Variants in RNF180 observed in about 807,000 individuals in gnomAD.
RNF180 encodes the protein E3 ubiquitin-protein ligase RNF180.
RNF180 carries 38 observed loss-of-function variants against 59.2 expected under a neutral mutation model. The observed-to-expected ratio is 0.64, with a 90% CI of 0.50 to 0.84. RNF180 has a LOEUF of 0.84. RNF180 is among the 40% of genes least tolerant of loss of function. The pLI is 0.00. For synonymous variants in RNF180, 262 were observed against 240.3 expected (o/e 1.09, Z -0.84); for missense variants, 705 against 700.9 (o/e 1.01, Z -0.07).
intron 7 of RNF180, among the ~76,000 whole-genome samples, chr5:64,338,302 T>A (rs2112557611): frequency 6.6e-6 from 1 of 152,280 alleles, no homozygotes; most frequent in East Asian, 1.9e-4. Context: ...TCTATTTGAT[T>A]TTGAACGGAA....
intron 5 of RNF180, among the ~76,000 whole-genome samples, chr5:64,221,233 T>C (rs1741313820): frequency 6.6e-6 from 1 of 152,054 alleles, no homozygotes; most frequent in African/African-American, 2.4e-5. Context: ...CTCCTCTTCC[T>C]CAAGCAGAAA....
chr5:64,351,081 T>A (rs1036210541), intron 7 of RNF180, among the ~76,000 whole-genome samples: 35 of 152,154 alleles, frequency 2.3e-4, no homozygotes, highest in African/African-American at 8.2e-4. Flanking sequence ...CTCTTTTATT[T>A]CATTGAGCAG....
chr5:64,302,905 C>G (rs1197371074), intron 5 of RNF180, among the ~76,000 whole-genome samples: 1 of 151,602 alleles, frequency 6.6e-6, no homozygotes, highest in African/African-American at 2.4e-5. Context: ...TATTTTTGCA[C>G]TTTGCTTTAT....
At chr5:64,246,142 C>T (rs1201837173) in intron 5 of RNF180, among the ~76,000 whole-genome samples, 1 of 152,106 alleles carries the variant, frequency 6.6e-6, no homozygotes. Flanking sequence ...ATTTATAGCA[C>T]TAAATGTCCA....
chr5:64,234,491 G>A (rs1015568050), intron 5 of RNF180, among the ~76,000 whole-genome samples: 3 of 142,890 alleles, frequency 2.1e-5, no homozygotes, highest in Non-Finnish European at 3.0e-5. Flanking sequence ...TAAAGTTTAC[G>A]AACATGATCA....
chr5:64,189,161 A>C (rs909114900), intron 1 of RNF180, among the ~76,000 whole-genome samples: 4 of 151,964 alleles, frequency 2.6e-5, no homozygotes, highest in African/African-American at 4.8e-5. Context: ...TGAGACAATA[A>C]ATTTCTTTGG....
At chr5:64,262,627 CTG>C (rs1329088168) in intron 5 of RNF180, among the ~76,000 whole-genome samples, 4 of 152,088 alleles carry the variant, frequency 2.6e-5, no homozygotes, top group African/African-American at 4.8e-5. Context: ...AAAATTGAGA[CTG>C]TTAATTTTCA....
At chr5:64,315,847 G>A (rs989387217) in intron 5 of RNF180, among the ~76,000 whole-genome samples, 2 of 151,906 alleles carry the variant, frequency 1.3e-5, no homozygotes, top group Non-Finnish European at 2.9e-5. Flanking sequence ...TATTAAAAGG[G>A]CAAAAACAAT....
chr5:64,177,526 C>CATATATATAT lies in RNF180; in HGVS notation c.-1+11604_-1+11613dup, dbSNP rs58046669. On this transcript the variant is annotated intron_variant, in intron 1 of 7. Transcript: ENST00000389100. ...TTTTTTTCAAAGGCATAAATTATGC[C>CATATATATAT]ATATATATATATATATATATATATA... is the stretch of plus-strand genomic sequence containing the variant. 4.5e-3 allele frequency among the ~76,000 whole-genome samples: 477 copies of CATATATATAT among 104,976 alleles called. 5 individuals are homozygous for CATATATATAT. Among genetic ancestry groups the CATATATATAT allele is most frequent in the Non-Finnish European group, 6.4e-3 (321 of 49,856 alleles). 68.9% of individuals were successfully genotyped at this position (104,976 alleles called of 152,430 possible). A position where few individuals can be genotyped will look rare whatever the true frequency, so the allele number is the denominator to read the frequency against.
intron 7 of RNF180, among the ~76,000 whole-genome samples, chr5:64,364,577 A>G (rs910455903): frequency 6.6e-6 from 1 of 151,674 alleles, no homozygotes; most frequent in African/African-American, 2.4e-5. Context: ...TATCAGGATG[A>G]TGTTGGCCTC....
Position 64,325,360 on chromosome 5 carries a change from A to C in RNF180, c.1402A>C (p.Thr468Pro), listed in dbSNP as rs1365497007. Residue 468 changes from threonine to proline, a missense_variant, in exon 6 of 8, where the codon ACT becomes CCT. Physicochemically the swap from Thr to Pro is conservative, Grantham distance 38. Coordinates refer to ENST00000389100, the MANE Select transcript of RNF180 (RefSeq NM_001113561.2). ...RTLAKDNPSS[T>P]PCPLCRTIIS... ...TCTGGCCAAAGACAATCCTTCAAGC[A>C]CTCCATGCCCATTGTGTCGGACAAT... 2 of 1,551,646 alleles carry C rather than the reference A, an allele frequency of 1.3e-6. No individual in the cohort carries two copies. The highest frequency in any genetic ancestry group is 3.9e-5 in the Admixed American group (2 of 50,984).
intron 7 of RNF180, among the ~76,000 whole-genome samples, chr5:64,364,430 T>C (rs1458597699): frequency 6.6e-6 from 1 of 151,844 alleles, no homozygotes; most frequent in Non-Finnish European, 1.5e-5. Flanking sequence ...GCCTACTTGT[T>C]TGTGGTGGAC....
At chr5:64,269,150 T>G (rs1335807245) in intron 5 of RNF180, among the ~76,000 whole-genome samples, 1 of 152,172 alleles carries the variant, frequency 6.6e-6, no homozygotes, top group Non-Finnish European at 1.5e-5. Context: ...TTAAATTAAC[T>G]CCAGCGTGCT....
At chr5:64,238,758 A>C (rs1175957943) in intron 5 of RNF180, among the ~76,000 whole-genome samples, 1 of 152,184 alleles carries the variant, frequency 6.6e-6, no homozygotes, top group African/African-American at 2.4e-5. Flanking sequence ...TATGGTTTGC[A>C]AATATGTTCT....
At chr5:64,331,889 C>T (rs1744925445) in intron 7 of RNF180, among the ~76,000 whole-genome samples, 1 of 152,104 alleles carries the variant, frequency 6.6e-6, no homozygotes, top group Non-Finnish European at 1.5e-5. Flanking sequence ...TCCAAGCTTC[C>T]AGGCACCACT....
Position 64,213,559 on chromosome 5 carries a change from C to T in RNF180, c.233C>T (p.Ala78Val). ...TTTATTCTTCTTTATTACCTGTAGG[C>T]CCAGTGGACAGTTGGAAAACTGAAT... ...PEWISCLIQKAQWTVGKLNCP... is the reference protein window; with the variant it reads ...PEWISCLIQKVQWTVGKLNCP... Residue 78 changes from alanine to valine, a missense_variant and splice_region_variant, in exon 4 of 8, where the codon GCC (alanine) becomes GTC (valine). By Grantham distance (64) the Ala-to-Val change is moderately conservative (BLOSUM62 0). Coordinates refer to ENST00000389100, the MANE Select transcript of RNF180 (RefSeq NM_001113561.2). 6.2e-7 allele frequency: 1 copy of T among 1,610,366 alleles called. No homozygotes were observed. Among genetic ancestry groups the T allele is most frequent in the Non-Finnish European group, 8.5e-7 (1 of 1,177,366 alleles).
At chr5:64,300,413 A>G (rs1183404370) in intron 5 of RNF180, among the ~76,000 whole-genome samples, 4 of 151,796 alleles carry the variant, frequency 2.6e-5, no homozygotes, top group Admixed American at 2.0e-4. Context: ...TAAGTCGAGG[A>G]TCATCTGGAT....
At chr5:64,256,149 T>C (rs1743936302) in intron 5 of RNF180, among the ~76,000 whole-genome samples, 1 of 152,136 alleles carries the variant, frequency 6.6e-6, no homozygotes. Flanking sequence ...ATTCTGTAGG[T>C]TGCCTGTTCA....
chr5:64,344,542 C>T (rs140505886), intron 7 of RNF180, among the ~76,000 whole-genome samples: 1,643 of 152,204 alleles, frequency 0.011, 8 homozygotes, highest in Non-Finnish European at 0.017. Context: ...AAAACACACA[C>T]AATGATGGTG....
Sources: gnomAD v4.1 joint callset for allele counts (sites outside exome capture counted in the v4.1 genomes callset) on GRCh38, gnomAD v4.1.1 for gene constraint, MANE v1.5 for transcripts, NCBI Gene and HGNC (gene_info 2026-07-23, HGNC 2026-07-21) for gene names.